STIM2: variants seen among roughly 807,000 people sequenced by gnomAD.
STIM2 encodes stromal interaction molecule 2.
In STIM2, 31 loss-of-function variants were observed where a neutral mutation model predicts 85.8. The observed-to-expected ratio is 0.36, with a 90% CI of 0.27 to 0.49. The LOEUF (loss-of-function observed/expected upper bound fraction) is 0.49. Ranked by LOEUF, STIM2 falls within the 20% of genes least tolerant of loss-of-function variation. The pLI is 0.98. For synonymous variants in STIM2, 356 were observed against 331.1 expected (o/e 1.08, Z -0.82); for missense variants, 841 against 927.6 (o/e 0.91, Z 1.21).
intron 2 of STIM2, among the ~76,000 whole-genome samples, chr4:26,948,194 A>G (rs1180955002): frequency 6.6e-6 from 1 of 152,142 alleles, no homozygotes; most frequent in Non-Finnish European, 1.5e-5. Flanking sequence ...TTCTCCCTGT[A>G]TATCTCTCAA....
rs1031811838 is a variant in STIM2 at position 26,873,919 on chromosome 4, G to A, written c.151+12550G>A. ...GGTCTGCGGCTGAGTGGACAGGGGC[G>A]CCTCCAGACAGCTGGGTGCTCTTCT... On this transcript the variant is annotated intron_variant, in intron 1 of 11. Transcript: ENST00000467087. 1.7e-5 allele frequency: 23 copies of A among 1,360,544 alleles called. No homozygotes were observed. In the East Asian group the frequency reaches 2.4e-4, roughly 14 times the overall value. 84.3% of individuals were successfully genotyped at this position (1,360,544 alleles called of 1,614,324 possible). A position where few individuals can be genotyped will look rare whatever the true frequency, so the allele number is the denominator to read the frequency against.
chr4:27,021,364 G>A (rs77619911), intron 11 of STIM2: 5 of 401,890 alleles, frequency 1.2e-5, no homozygotes, highest in Admixed American at 6.1e-5. Flanking sequence ...AGACAAGGTG[G>A]TTAGGGCAGG....
Position 27,022,828 on chromosome 4 carries a change from T to A in STIM2, c.2073T>A (p.Pro691=). ...AGCTTTCCAGTGGCATCCCGGTGCC[T>A]AAACCTCGCCACACATCATGTTCCT... Residue 691 remains proline, a synonymous_variant, in exon 12 of 12, where the codon CCT becomes CCA. Transcript: ENST00000467087. 1 of 1,614,212 alleles carries A rather than the reference T, an allele frequency of 6.2e-7. No individual in the cohort carries two copies. Among genetic ancestry groups the A allele is most frequent in the Non-Finnish European group, 8.5e-7 (1 of 1,180,040 alleles).
rs373510428 is a variant in STIM2 at position 26,958,284 on chromosome 4, A to G, written c.397+558A>G. Among the ~76,000 whole-genome samples, 4 of 152,278 alleles carry G rather than the reference A, an allele frequency of 2.6e-5. No homozygotes were observed. The East Asian group carries it at 7.7e-4, about 29-fold the overall frequency. ...GATCTAAAAATCTCAACTTGGTTCC[A>G]TATACTAGGAAGTTACTAAAATTAA... On this transcript the variant is annotated intron_variant, in intron 3 of 11. Coordinates refer to ENST00000467087, the MANE Select transcript of STIM2 (RefSeq NM_020860.4).
At chr4:26,902,331 TAGTA>T (rs1479838158) in intron 1 of STIM2, among the ~76,000 whole-genome samples, 2 of 152,144 alleles carry the variant, frequency 1.3e-5, no homozygotes, top group Non-Finnish European at 2.9e-5. Context: ...CTGTCAGAAA[TAGTA>T]AGAGCCAAAT....
At chr4:26,960,345 CAG>C (rs1227087350) in intron 3 of STIM2, among the ~76,000 whole-genome samples, 1 of 152,006 alleles carries the variant, frequency 6.6e-6, no homozygotes, top group East Asian at 1.9e-4. Context: ...TGTATTTATA[CAG>C]AAAGTGTGTA....
chr4:26,969,474 T>TGAATAATA (rs1726851459), intron 3 of STIM2, among the ~76,000 whole-genome samples: 1 of 152,210 alleles, frequency 6.6e-6, no homozygotes, highest in Non-Finnish European at 1.5e-5. Context: ...GTGCTACAGC[T>TGAATAATA]CTACTGCAAT....
In STIM2 at chr4:26,919,488, C is replaced by G. The variant is rs753631371; in HGVS notation, c.152-16C>G. On this transcript the variant is annotated splice_polypyrimidine_tract_variant and intron_variant, in intron 1 of 11. Transcript: ENST00000467087. ...TTGGTATGGCAAGTTAGTAATTGCC[C>G]TTTGTTCTCTTTCAGATCCCTGCAT... 1 of 1,612,554 alleles carries G rather than the reference C, an allele frequency of 6.2e-7. No individual in the cohort carries two copies. Among genetic ancestry groups the G allele is most frequent in the Non-Finnish European group, 8.5e-7 (1 of 1,179,368 alleles).
chr4:26,876,341 C>A (rs996956276), intron 1 of STIM2, among the ~76,000 whole-genome samples: 3 of 152,130 alleles, frequency 2.0e-5, no homozygotes, highest in Non-Finnish European at 4.4e-5. Context: ...GTCTTTGGAT[C>A]GTAGCACTTC....
intron 2 of STIM2, among the ~76,000 whole-genome samples, chr4:26,947,353 T>C (rs1027930914): frequency 2.0e-5 from 3 of 152,238 alleles, no homozygotes; most frequent in African/African-American, 7.2e-5. Flanking sequence ...CTTAAAATTA[T>C]AATAAATTCA....
intron 1 of STIM2, among the ~76,000 whole-genome samples, chr4:26,872,814 T>C (rs12641261): frequency 0.3 from 45,073 of 151,968 alleles, 7,100 homozygotes; most frequent in East Asian, 0.42. Context: ...TAATGTGGGG[T>C]ACTTTTTAAT....
intron 3 of STIM2, among the ~76,000 whole-genome samples, chr4:26,962,839 A>T: frequency 6.6e-6 from 1 of 152,166 alleles, no homozygotes; most frequent in Non-Finnish European, 1.5e-5. Flanking sequence ...TAGATAAAAA[A>T]CTGATTAAGT....
rs568265845 is a variant in STIM2, at chr4:27,023,062, C to G, written c.*66C>G. The G allele has an allele frequency of 1.1e-5, 16 of 1,453,776 alleles. No homozygotes were observed. In the East Asian group the frequency reaches 3.4e-4, roughly 31 times the overall value. The allele number at this position is 1,453,776 out of a possible 1,614,324, so 90.1% of individuals were successfully genotyped here. ...AAACTATTATCCCCCACCCTCCACT[C>G]CCCACCTTTTTTTTGGTTTAATTTT... is the stretch of plus-strand genomic sequence containing the variant. On this transcript the variant is annotated 3_prime_UTR_variant, in exon 12 of 12. Transcript: ENST00000467087.
chr4:26,947,597 T>A (rs566688414), intron 2 of STIM2, among the ~76,000 whole-genome samples: 3 of 152,174 alleles, frequency 2.0e-5, no homozygotes, highest in African/African-American at 4.8e-5. Flanking sequence ...CAGCCCTCCA[T>A]CAGCCTCACC....
intron 2 of STIM2, among the ~76,000 whole-genome samples, chr4:26,929,797 T>G (rs1725136225): frequency 6.6e-6 from 1 of 152,056 alleles, no homozygotes; most frequent in African/African-American, 2.4e-5. Context: ...ATCTGTGCCT[T>G]TAAGTGAACA....
In STIM2 at chr4:26,969,611, T is replaced by C. The variant is rs1023396865; in HGVS notation, c.397+11885T>C. Among the ~76,000 whole-genome samples the C allele has an allele frequency of 2.0e-5, 3 of 152,200 alleles. No homozygotes were observed. In the East Asian group the frequency reaches 5.8e-4, roughly 29 times the overall value. ...GAAGATTGATCTGCTTTGTTAGTTG[T>C]CTAAATTTCTCTCATCTGTTTTTAA... On this transcript the variant is annotated intron_variant, in intron 3 of 11. Coordinates refer to ENST00000467087, the MANE Select transcript of STIM2 (RefSeq NM_020860.4).
chr4:27,018,040 T>C, intron 11 of STIM2, 56 bp downstream of exon 11: 1 of 1,580,680 alleles, frequency 6.3e-7, no homozygotes, highest in Non-Finnish European at 8.6e-7. Flanking sequence ...GGGTAAGGTG[T>C]GAGGAGGGGG....
chr4:27,010,122 A>G (rs1019257590), intron 10 of STIM2, among the ~76,000 whole-genome samples: 1 of 152,208 alleles, frequency 6.6e-6, no homozygotes, highest in African/African-American at 2.4e-5. Flanking sequence ...ATCAGAAAAA[A>G]GTACAAGAGT....
intron 3 of STIM2, among the ~76,000 whole-genome samples, 164 bp from the exon 4 acceptor site, chr4:26,995,215 G>A (rs2109125346): frequency 6.6e-6 from 1 of 152,150 alleles, no homozygotes; most frequent in East Asian, 1.9e-4. Flanking sequence ...GTTTTTGATT[G>A]TAAGGCTTTC....
Sources: gnomAD v4.1 joint callset for allele counts (sites outside exome capture counted in the v4.1 genomes callset) on GRCh38, gnomAD v4.1.1 for gene constraint, MANE v1.5 for transcripts, NCBI Gene and HGNC (gene_info 2026-07-23, HGNC 2026-07-21) for gene names.